The following CCDC141 variants were observed in gnomAD, a reference collection of about 807,000 sequenced individuals.
CCDC141 encodes coiled-coil domain containing 141, also known as coiled-coil domain-containing protein 141.
In CCDC141, 168 loss-of-function variants were observed where a neutral mutation model predicts 181.0. That is an observed-to-expected ratio of 0.93 (90% CI 0.82 to 1.05). The LOEUF (loss-of-function observed/expected upper bound fraction) is 1.05, where lower values mean the gene tolerates loss of function less well. Among genes scored for constraint, CCDC141 ranks in the 50% least tolerant of loss-of-function variants. CCDC141 has a pLI of 0.00. For synonymous variants in CCDC141, 666 were observed against 642.3 expected, an observed-to-expected ratio of 1.04 and a Z score of -0.56; for missense variants, 1,902 against 1,788.5, an observed-to-expected ratio of 1.06 and a Z score of -1.14.
chr2:179,023,672 C>T (rs991767716), intron 2 of CCDC141, among the ~76,000 whole-genome samples: 1 of 152,164 alleles, frequency 6.6e-6, no homozygotes, highest in African/African-American at 2.4e-5. Context: ...TGCACCAACA[C>T]AATCTCTGTC....
intron 14 of CCDC141, among the ~76,000 whole-genome samples, chr2:178,869,768 A>G (rs900185209): frequency 6.6e-6 from 1 of 152,226 alleles, no homozygotes; most frequent in African/African-American, 2.4e-5. Context: ...ATCAGAATGA[A>G]CCACCAGCTG....
At chr2:178,856,748 C>T (rs1173723465) in intron 17 of CCDC141, among the ~76,000 whole-genome samples, 1 of 152,078 alleles carries the variant, frequency 6.6e-6, no homozygotes, top group African/African-American at 2.4e-5. Context: ...CCATGCCTGG[C>T]TAATTTTTGT....
At chr2:178,927,350 A>G (rs1292271344) in intron 6 of CCDC141, among the ~76,000 whole-genome samples, 1 of 152,110 alleles carries the variant, frequency 6.6e-6, no homozygotes, top group Non-Finnish European at 1.5e-5. Flanking sequence ...AAGCAAAACG[A>G]GTGTGTAGCA....
chr2:178,965,480 C>G (rs1268740501), intron 4 of CCDC141, among the ~76,000 whole-genome samples: 1 of 152,164 alleles, frequency 6.6e-6, no homozygotes, highest in Non-Finnish European at 1.5e-5. Context: ...GAAGGCGAGC[C>G]AAAGCAGGAT....
At chr2:178,864,239 G>A (rs907848028) in intron 17 of CCDC141, among the ~76,000 whole-genome samples, 1 of 152,138 alleles carries the variant, frequency 6.6e-6, no homozygotes, top group African/African-American at 2.4e-5. Flanking sequence ...GGAAGAAAGG[G>A]GGAGGGGAGG....
At chr2:178,869,454 C>T in intron 14 of CCDC141, 149 bp from the exon 15 acceptor site, 1 of 578,386 alleles carries the variant, frequency 1.7e-6, no homozygotes. Flanking sequence ...AATATTTGGG[C>T]ATTGTGCTGG....
chr2:179,041,140 C>T (rs1164482950), intron 2 of CCDC141, among the ~76,000 whole-genome samples: 2 of 151,990 alleles, frequency 1.3e-5, no homozygotes, highest in Non-Finnish European at 2.9e-5. Context: ...GGTGCGATCT[C>T]GGCTCACTGC....
At position 178,831,039 on chromosome 2, in the gene CCDC141, T is replaced by C. The variant is rs2154365170; in HGVS notation, c.*3134A>G. The C allele has an allele frequency of 6.6e-6, 1 of 152,264 alleles. No homozygotes were observed. The highest frequency in any genetic ancestry group is 2.4e-5 in the African/African-American group (1 of 41,544). 9.4% of individuals were successfully genotyped at this position (152,264 alleles called of 1,614,324 possible). Reference sequence around the variant, plus strand: ...AATTTGAGCAAAGCAGTTAGAAGGGTCTTGTAGTCATCTATTTTAAGTATG... The same window carrying C: ...AATTTGAGCAAAGCAGTTAGAAGGGCCTTGTAGTCATCTATTTTAAGTATG... On this transcript the variant is annotated 3_prime_UTR_variant, in exon 24 of 24. Coordinates refer to ENST00000443758, the MANE Select transcript of CCDC141 (RefSeq NM_173648.4).
chr2:178,887,275 C>T (rs1395584647), intron 9 of CCDC141, among the ~76,000 whole-genome samples: 1 of 152,076 alleles, frequency 6.6e-6, no homozygotes, highest in African/African-American at 2.4e-5. Context: ...AGATCCAGAG[C>T]ATGAGCATTG....
At chr2:178,959,414 G>A (rs1460171526) in intron 5 of CCDC141, among the ~76,000 whole-genome samples, 2 of 152,096 alleles carry the variant, frequency 1.3e-5, no homozygotes, top group Non-Finnish European at 1.5e-5. Flanking sequence ...CAGGATTAGG[G>A]CAGAGAGAGA....
intron 12 of CCDC141, 71 bp from the exon 13 acceptor site, chr2:178,872,383 T>A: frequency 7.4e-7 from 1 of 1,347,314 alleles, no homozygotes; most frequent in South Asian, 1.4e-5. Context: ...TATATAACTA[T>A]TTTACGAGGC....
chr2:178,973,468 C>T (rs1314667051), intron 4 of CCDC141, among the ~76,000 whole-genome samples: 4 of 152,170 alleles, frequency 2.6e-5, no homozygotes, highest in African/African-American at 9.7e-5. Flanking sequence ...AAGGCTGGTA[C>T]CCCTGAAAAG....
At chr2:179,015,083 TA>T (rs1451733234) in intron 2 of CCDC141, among the ~76,000 whole-genome samples, 5 of 39,068 alleles carry the variant, frequency 1.3e-4, no homozygotes, top group East Asian at 8.0e-4. Flanking sequence ...TATATATATA[TA>T]TATATATATA....
rs1045587974 is a variant in CCDC141, at chr2:178,832,212, T to C, written c.*1961A>G. The C allele has an allele frequency of 2.6e-5, 4 of 152,038 alleles. No individual in the cohort carries two copies. Among genetic ancestry groups the C allele is most frequent in the Admixed American group, 2.0e-4 (3 of 15,264 alleles). 9.4% of individuals were successfully genotyped at this position (152,038 alleles called of 1,614,324 possible). ...GGCAAGATTCACACATTATTTGAAA[T>C]TGGACAAAAAGGATACAAGAGGCCG... On this transcript the variant is annotated 3_prime_UTR_variant, in exon 24 of 24. Transcript: ENST00000443758.
chr2:178,998,619 T>A (rs1016253894), intron 2 of CCDC141, among the ~76,000 whole-genome samples: 2 of 152,148 alleles, frequency 1.3e-5, no homozygotes, highest in African/African-American at 4.8e-5. Context: ...TATTTAATTA[T>A]CTCTTCATAA....
intron 7 of CCDC141, among the ~76,000 whole-genome samples, chr2:178,909,761 A>G (rs1397138541): frequency 6.6e-6 from 1 of 152,206 alleles, no homozygotes; most frequent in South Asian, 2.1e-4. Flanking sequence ...TTTGTTGCAC[A>G]CACAGTACAG....
At chr2:179,049,589 C>CTTTT (rs199994228) in intron 1 of CCDC141, among the ~76,000 whole-genome samples, 1 of 135,592 alleles carries the variant, frequency 7.4e-6, no homozygotes, top group Non-Finnish European at 1.6e-5. Context: ...TCTTTCTTTT[C>CTTTT]TTTTTTTTTT....
intron 5 of CCDC141, among the ~76,000 whole-genome samples, chr2:178,954,919 C>T (rs1450316544): frequency 3.9e-5 from 6 of 152,196 alleles, no homozygotes; most frequent in African/African-American, 1.4e-4. Context: ...ACCCAAATTA[C>T]TAACTGAGTG....
At chr2:178,987,198 A>G (rs964545704) in intron 2 of CCDC141, among the ~76,000 whole-genome samples, 4 of 145,084 alleles carry the variant, frequency 2.8e-5, no homozygotes, top group Non-Finnish European at 4.5e-5. Context: ...GACAAACCTG[A>G]CAAAAACAAG....
Sources: gnomAD v4.1 joint callset for allele counts (sites outside exome capture counted in the v4.1 genomes callset) on GRCh38, gnomAD v4.1.1 for gene constraint, MANE v1.5 for transcripts, NCBI Gene and HGNC (gene_info 2026-07-23, HGNC 2026-07-21) for gene names.